The following SCRG1 variants were observed in gnomAD, a reference collection of about 807,000 sequenced individuals.
The protein encoded by SCRG1 is stimulator of chondrogenesis 1.
SCRG1 carries 3 observed loss-of-function variants against 7.7 expected under a neutral mutation model. The observed-to-expected ratio is 0.39, with a 90% CI of 0.18 to 1.01. The LOEUF is 1.01. Ranked by LOEUF, SCRG1 falls within the 50% of genes least tolerant of loss-of-function variation. The probability of loss-of-function intolerance (pLI) is 0.36; values close to 1 mark genes in which losing one functional copy is unlikely to be tolerated. For missense variants in SCRG1, 110 were observed against 117.2 expected (o/e 0.94, Z 0.28); for synonymous variants, 46 against 41.2 (o/e 1.12, Z -0.44).
chr4:173,514,618 G>C, the SCRG1 span, among the ~76,000 whole-genome samples: 1 of 152,186 alleles, frequency 6.6e-6, no homozygotes, highest in Non-Finnish European at 1.5e-5. Flanking sequence ...ACTAAGCAGG[G>C]TGTGGAACAA....
At chr4:173,476,404 G>T in the SCRG1 span, among the ~76,000 whole-genome samples, 87 of 131,796 alleles carry the variant, frequency 6.6e-4, no homozygotes, top group African/African-American at 2.1e-3. Flanking sequence ...TAGGCAGATG[G>T]AAATAAAGGC....
chr4:173,510,137 A>G, the SCRG1 span, among the ~76,000 whole-genome samples: 1 of 152,132 alleles, frequency 6.6e-6, no homozygotes, highest in Non-Finnish European at 1.5e-5. This position sits in a 1 kb window ranked among gnomAD's most constrained non-coding sequence, Gnocchi z 5.7. Context: ...AAAAGTGATT[A>G]TTACTAGCAT....
At chr4:173,399,826 T>G (rs536526339), upstream of SCRG1, among the ~76,000 whole-genome samples, 2 of 152,306 alleles carry the variant, frequency 1.3e-5, no homozygotes, top group African/African-American at 4.8e-5. Context: ...GGAGTAGTGT[T>G]TTGGGAATTA....
At chr4:173,432,067 A>G in the SCRG1 span, among the ~76,000 whole-genome samples, 1 of 152,260 alleles carries the variant, frequency 6.6e-6, no homozygotes. Flanking sequence ...CCAGATTAGC[A>G]TAACTTGATG....
chr4:173,384,947 G>A lies in SCRG1; in HGVS notation c.*3394C>T, dbSNP rs1041049316. ...TAAAGGAAATAATGCATTAGGTAAT[G>A]CTGTTAAACAACATAGTGGTTAAGA... On this transcript the variant is annotated 3_prime_UTR_variant, in exon 3 of 3. Coordinates refer to ENST00000296506, the MANE Select transcript of SCRG1 (RefSeq NM_007281.4). 1 of 152,186 alleles carries A rather than the reference G, an allele frequency of 6.6e-6. No homozygotes were observed. The highest frequency in any genetic ancestry group is 2.4e-5 in the African/African-American group (1 of 41,458). The allele number at this position is 152,186 out of a possible 1,614,324, so 9.4% of individuals were successfully genotyped here.
chr4:173,501,059 C>T, the SCRG1 span, among the ~76,000 whole-genome samples: 1 of 152,194 alleles, frequency 6.6e-6, no homozygotes, highest in South Asian at 2.1e-4. This position sits in a 1 kb window ranked among gnomAD's most constrained non-coding sequence, Gnocchi z 5.1. Flanking sequence ...AATGCGAAAC[C>T]TGCTCTCGGA....
the SCRG1 span, among the ~76,000 whole-genome samples, chr4:173,501,174 CA>C: frequency 6.6e-5 from 10 of 152,220 alleles, no homozygotes; most frequent in African/African-American, 2.4e-4. The surrounding 1 kb of genome is among the most constrained non-coding windows in gnomAD (Gnocchi z 5.1). Context: ...CGGGTCTCGG[CA>C]AGCACTTCCG....
the SCRG1 span, among the ~76,000 whole-genome samples, chr4:173,413,264 A>G: frequency 1.3e-5 from 2 of 152,256 alleles, no homozygotes; most frequent in African/African-American, 4.8e-5. Context: ...GGAGAAGCAG[A>G]TGGCCCACCT....
chr4:173,433,163 T>G, the SCRG1 span, among the ~76,000 whole-genome samples: 1 of 152,248 alleles, frequency 6.6e-6, no homozygotes, highest in Non-Finnish European at 1.5e-5. Flanking sequence ...GTAACTTTTT[T>G]TTACAGCAGC....
the SCRG1 span, among the ~76,000 whole-genome samples, chr4:173,505,511 C>A: frequency 6.6e-6 from 1 of 152,104 alleles, no homozygotes; most frequent in African/African-American, 2.4e-5. This position sits in a 1 kb window ranked among gnomAD's most constrained non-coding sequence, Gnocchi z 4.4. Context: ...AGCTAGACAG[C>A]GGAGAAGCTC....
chr4:173,519,007 G>A, the SCRG1 span, among the ~76,000 whole-genome samples: 2 of 152,198 alleles, frequency 1.3e-5, no homozygotes, highest in African/African-American at 4.8e-5. Context: ...CTTCGGTGCT[G>A]TGTAGTCGGC....
At chr4:173,490,436 C>T in the SCRG1 span, among the ~76,000 whole-genome samples, 1 of 152,134 alleles carries the variant, frequency 6.6e-6, no homozygotes, top group Non-Finnish European at 1.5e-5. Flanking sequence ...CCCTCAGAGG[C>T]CCAGGAACCA....
At chr4:173,509,944 G>C in the SCRG1 span, among the ~76,000 whole-genome samples, 4 of 152,140 alleles carry the variant, frequency 2.6e-5, no homozygotes, top group East Asian at 7.7e-4. The surrounding 1 kb of genome is among the most constrained non-coding windows in gnomAD (Gnocchi z 5.7). Context: ...CATTTCCCCT[G>C]CTTCTCACTT....
chr4:173,396,979 G>A (rs546779837), intron 1 of SCRG1, among the ~76,000 whole-genome samples: 3 of 152,024 alleles, frequency 2.0e-5, no homozygotes, highest in Admixed American at 6.6e-5. Context: ...CTTGAACCGC[G>A]GAGGCAGAGG....
At chr4:173,472,661 C>G in the SCRG1 span, among the ~76,000 whole-genome samples, 5 of 147,206 alleles carry the variant, frequency 3.4e-5, no homozygotes, top group East Asian at 1.0e-3. Flanking sequence ...CAAAGGCAGA[C>G]AGGCAGGAGG....
the SCRG1 span, among the ~76,000 whole-genome samples, chr4:173,485,545 T>C: frequency 3.3e-5 from 5 of 152,040 alleles, no homozygotes; most frequent in Non-Finnish European, 7.4e-5. Context: ...AGCAATTTAA[T>C]GGTAGTTGTT....
At chr4:173,479,187 C>T in the SCRG1 span, among the ~76,000 whole-genome samples, 3 of 152,148 alleles carry the variant, frequency 2.0e-5, no homozygotes, top group Admixed American at 6.6e-5. Context: ...GAAGGGGACT[C>T]CTGCACAGAA....
At chr4:173,430,873 T>C in the SCRG1 span, among the ~76,000 whole-genome samples, 1 of 143,970 alleles carries the variant, frequency 6.9e-6, no homozygotes, top group Non-Finnish European at 1.5e-5. Flanking sequence ...AAACAATCTA[T>C]AGTCATCAGA....
chr4:173,441,767 T>A, the SCRG1 span, among the ~76,000 whole-genome samples: 1 of 152,168 alleles, frequency 6.6e-6, no homozygotes. Flanking sequence ...CCCAATGCTT[T>A]GGAAGGCTGA....
Sources: allele counts gnomAD v4.1 joint callset (sites outside exome capture counted in the v4.1 genomes callset), GRCh38; gene constraint gnomAD v4.1.1; non-coding constraint Gnocchi (gnomAD v3.1); transcripts MANE v1.5; gene names NCBI Gene and HGNC (gene_info 2026-07-23, HGNC 2026-07-21).